The following USF3 variants were observed in gnomAD, a reference collection of about 807,000 sequenced individuals.
The protein encoded by USF3 is basic helix-loop-helix domain-containing protein USF3.
In USF3, 29 loss-of-function variants were observed where a neutral mutation model predicts 157.5. The ratio of observed to expected loss-of-function variants is 0.18; its 90% CI spans 0.14 to 0.25. The LOEUF (loss-of-function observed/expected upper bound fraction) is 0.25. USF3 is among the 10% of genes least tolerant of loss of function. The pLI is 1.00. For missense variants in USF3, 2,381 were observed against 2,667.6 expected, an observed-to-expected ratio of 0.89 and a Z score of 2.37; for synonymous variants, 893 against 941.4, an observed-to-expected ratio of 0.95 and a Z score of 0.94.
rs542283000 is a variant in USF3 at position 113,683,553 on chromosome 3, C to T, written c.-134-6156G>A. 4.7e-5 allele frequency among the ~76,000 whole-genome samples: 7 copies of T among 149,804 alleles called. No individual in the cohort carries two copies. In the South Asian group the frequency reaches 1.5e-3, roughly 32 times the overall value. ...GTGCAATCTCAGCTCACTGCAACCTCCACCTCCCGGATTCAAGCAATTCTC... is the reference window on the plus strand; with the variant it reads ...GTGCAATCTCAGCTCACTGCAACCTTCACCTCCCGGATTCAAGCAATTCTC... On this transcript the variant is annotated intron_variant, in intron 1 of 6. Coordinates refer to ENST00000316407, the MANE Select transcript of USF3 (RefSeq NM_001009899.4).
chr3:113,683,243 C>CTCTAGTTTTTAACTATTA (rs1707474678), intron 1 of USF3, among the ~76,000 whole-genome samples: 1 of 46,604 alleles, frequency 2.1e-5, no homozygotes, highest in South Asian at 4.8e-4. Flanking sequence ...CTGATAAAAA[C>CTCTAGTTTTTAACTATTA]TCTAGTTTTT....
intron 5 of USF3, among the ~76,000 whole-genome samples, chr3:113,665,807 AAC>A (rs1407278696): frequency 3.9e-5 from 6 of 152,218 alleles, no homozygotes; most frequent in Non-Finnish European, 8.8e-5. Flanking sequence ...CAGCTTGGGC[AAC>A]AGAGTGAGAT....
At position 113,649,446 on chromosome 3, in the gene USF3, G is replaced by A. The variant is rs1443690329; in HGVS notation, c.*5498C>T. 1 of 175,304 alleles carries A rather than the reference G, an allele frequency of 5.7e-6. No individual in the cohort carries two copies. The highest frequency in any genetic ancestry group is 2.4e-5 in the African/African-American group (1 of 42,402). 10.9% of individuals were successfully genotyped at this position (175,304 alleles called of 1,614,324 possible). On this transcript the variant is annotated 3_prime_UTR_variant, in exon 7 of 7. Coordinates refer to ENST00000316407, the MANE Select transcript of USF3 (RefSeq NM_001009899.4). ...TTTGTGTAAATCTAGAAATAAGGATGTTGAATGACCACCACATACAAGCTC... is the reference window on the plus strand; with the variant it reads ...TTTGTGTAAATCTAGAAATAAGGATATTGAATGACCACCACATACAAGCTC...
Position 113,659,252 on chromosome 3 carries a change from T to C in USF3, c.2430A>G (p.Ser810=). ...GGRKHLAANK[S]ACPLNSVRDV... is the part of the protein sequence containing the mutation. ...CTCTGACTGAATTCAGGGGACACGC[T>C]GACTTGTTTGCTGCTAAGTGTTTCC... is the stretch of plus-strand genomic sequence containing the variant. The change falls in exon 7 of 7, where the codon TCA becomes TCG. Residue 810 remains serine, a synonymous_variant. Coordinates refer to ENST00000316407, the MANE Select transcript of USF3 (RefSeq NM_001009899.4). The C allele has an allele frequency of 6.2e-7, 1 of 1,614,202 alleles. No homozygotes were observed.
rs563906356 is a variant in USF3, at chr3:113,679,483, A to G, written c.-134-2086T>C. Among the ~76,000 whole-genome samples the G allele has an allele frequency of 2.5e-4, 37 of 145,912 alleles. No individual in the cohort carries two copies. The East Asian group carries it at 7.4e-3, about 29-fold the overall frequency. ...GCCTGGAGTACAGTGGCACAATCTC[A>G]GTTCACTGCAACCTCTGCCTCCTGG... is the stretch of plus-strand genomic sequence containing the variant. On this transcript the variant is annotated intron_variant, in intron 1 of 6. Transcript: ENST00000316407.
rs928106021 is a variant in USF3 at position 113,649,241 on chromosome 3, T to A, written c.*5703A>T. On this transcript the variant is annotated 3_prime_UTR_variant, in exon 7 of 7. Coordinates refer to ENST00000316407, the MANE Select transcript of USF3 (RefSeq NM_001009899.4). Reference sequence around the variant, plus strand: ...TTAAAGATCATCTTTTCTAAAAATGTGTTAAATTACAAATAAACAGTTATC... The same window carrying A: ...TTAAAGATCATCTTTTCTAAAAATGAGTTAAATTACAAATAAACAGTTATC... 6.6e-6 allele frequency: 1 copy of A among 152,316 alleles called. No individual in the cohort carries two copies. The highest frequency in any genetic ancestry group is 1.5e-5 in the Non-Finnish European group (1 of 68,094). 9.4% of individuals were successfully genotyped at this position (152,316 alleles called of 1,614,324 possible).
Position 113,656,644 on chromosome 3 carries a change from TAGA to T in USF3, c.5035_5037del (p.Ser1679del), listed in dbSNP as rs763641090. On this transcript the variant is annotated inframe_deletion, in exon 7 of 7. Transcript: ENST00000316407. ...GATATCCCCATTCTCTGCTCTGAAT[TAGA>T]AGATGTCTTTCCAATGAGTGCCTCA... 17 of 1,614,118 alleles carry T rather than the reference TAGA, an allele frequency of 1.1e-5. No homozygotes were observed. The highest frequency in any genetic ancestry group is 5.0e-5 in the Admixed American group (3 of 60,004).
intron 1 of USF3, among the ~76,000 whole-genome samples, chr3:113,678,255 C>A (rs1707327973): frequency 6.6e-6 from 1 of 152,086 alleles, no homozygotes; most frequent in African/African-American, 2.4e-5. Context: ...CTTTCCCCTG[C>A]AGCCCTTTTG....
At position 113,658,163 on chromosome 3, in the gene USF3, G is replaced by C; in HGVS notation, c.3519C>G (p.Asp1173Glu). 1 of 1,614,066 alleles carries C rather than the reference G, an allele frequency of 6.2e-7. No individual in the cohort carries two copies. Among genetic ancestry groups the C allele is most frequent in the Non-Finnish European group, 8.5e-7 (1 of 1,180,010 alleles). Residue 1173 changes from aspartate to glutamate, a missense_variant, in exon 7 of 7, where the codon GAC becomes GAG. Transcript: ENST00000316407. Reference protein sequence around the residue: ...KPSEASLLEGDPPFKSQIPKE... With the variant: ...KPSEASLLEGEPPFKSQIPKE... ...TAGGTATCTGTGATTTGAAGGGTGG[G>C]TCTCCCTCTAACAATGATGCTTCAG...
chr3:113,692,076 G>C (rs944533887), intron 1 of USF3, among the ~76,000 whole-genome samples: 7 of 152,114 alleles, frequency 4.6e-5, no homozygotes, highest in Admixed American at 3.9e-4. Context: ...TAGATCCCTT[G>C]CATGTGTGGT....
intron 1 of USF3, among the ~76,000 whole-genome samples, chr3:113,679,064 C>T (rs1300299641): frequency 6.6e-6 from 1 of 150,830 alleles, no homozygotes; most frequent in Non-Finnish European, 1.5e-5. Context: ...TCAAGCGATC[C>T]TCCCGCCGCA....
At chr3:113,661,477 C>A (rs923189348) in intron 6 of USF3, 52 bp from the exon 7 acceptor site, 1 of 1,093,354 alleles carries the variant, frequency 9.1e-7, no homozygotes, top group Non-Finnish European at 1.3e-6. Flanking sequence ...TCAGTATTTA[C>A]AATAACTTGA....
intron 1 of USF3, among the ~76,000 whole-genome samples, chr3:113,690,593 A>G (rs1028769173): frequency 2.6e-5 from 4 of 152,100 alleles, no homozygotes; most frequent in African/African-American, 9.7e-5. Flanking sequence ...TTCAATTCAG[A>G]CAGGTTTATC....
intron 1 of USF3, among the ~76,000 whole-genome samples, chr3:113,680,711 GA>G (rs1707398247): frequency 6.7e-6 from 1 of 150,354 alleles, no homozygotes; most frequent in Non-Finnish European, 1.5e-5. Context: ...TGAGGCAGGA[GA>G]ATCACTTGAA....
rs754971339 is a variant in USF3, at chr3:113,656,086, G to A, written c.5596C>T (p.His1866Tyr). 6.2e-7 allele frequency: 1 copy of A among 1,614,066 alleles called. No homozygotes were observed. Among genetic ancestry groups the A allele is most frequent in the Non-Finnish European group, 8.5e-7 (1 of 1,179,966 alleles). Residue 1866 changes from histidine to tyrosine, a missense_variant, in exon 7 of 7, where the codon CAT (histidine) becomes TAT (tyrosine). His to Tyr is a moderately conservative substitution (Grantham distance 83, BLOSUM62 2). This residue lies in a region of USF3 where 770 missense variants were observed against 824.2 expected (regional missense o/e 0.93). Coordinates refer to ENST00000316407, the MANE Select transcript of USF3 (RefSeq NM_001009899.4). Reference sequence around the variant, plus strand: ...TGACTCTCACTCTCTCTTCTAATATGGACATTTTCATGAGTTGGGGGACAA... The same window carrying A: ...TGACTCTCACTCTCTCTTCTAATATAGACATTTTCATGAGTTGGGGGACAA... ...YNCPPTHENV[H>Y]IRRESESQNR... is the part of the protein sequence containing the mutation.
intron 1 of USF3, among the ~76,000 whole-genome samples, chr3:113,695,001 C>T (rs1234549811): frequency 1.3e-5 from 2 of 152,180 alleles, no homozygotes; most frequent in Admixed American, 1.3e-4. Flanking sequence ...ACTGAGATAA[C>T]ACCACTGCAT....
rs750946698 is a variant in USF3, at chr3:113,656,726, G to A, written c.4956C>T (p.Asp1652=). Residue 1652 remains aspartate (D), a synonymous_variant, in exon 7 of 7, where the codon GAC becomes GAT. Transcript: ENST00000316407. ...SQPSIVTRSS[D]MTCTPHRPER... The stretch of plus-strand genomic sequence containing the variant: ...CTGGCCTGTGTGGAGTACAGGTCAT[G>A]TCTGAAGATCTAGTCACAATACTTG... 1.2e-6 allele frequency: 2 copies of A among 1,614,148 alleles called. No homozygotes were observed. The highest frequency in any genetic ancestry group is 2.2e-5 in the East Asian group (1 of 44,888).
At chr3:113,666,654 C>A (rs888358208) in intron 5 of USF3, among the ~76,000 whole-genome samples, 7 of 151,018 alleles carry the variant, frequency 4.6e-5, no homozygotes, top group African/African-American at 1.7e-4. Flanking sequence ...TCACTGCAAC[C>A]TCCGCCTCCT....
At chr3:113,664,137 GAGTT>G (rs1484372143) in intron 6 of USF3, among the ~76,000 whole-genome samples, 172 bp downstream of exon 6, 1 of 152,174 alleles carries the variant, frequency 6.6e-6, no homozygotes, top group Non-Finnish European at 1.5e-5. Context: ...AGAGGAGAAA[GAGTT>G]AGACTAAAAT....
Sources: gnomAD v4.1 joint callset for allele counts (sites outside exome capture counted in the v4.1 genomes callset) on GRCh38, gnomAD v4.1.1 for gene constraint, gnomAD v4.1.1 regional missense constraint, MANE v1.5 for transcripts, NCBI Gene and HGNC (gene_info 2026-07-23, HGNC 2026-07-21) for gene names.